Variants in PHF14 observed in about 807,000 individuals in gnomAD.
PHF14 encodes the protein PHD finger protein 14.
Under a neutral mutation model 117.9 loss-of-function variants are expected in PHF14, and 55 were observed. The observed-to-expected ratio is 0.47, with a 90% CI of 0.38 to 0.58. PHF14 has a LOEUF of 0.58. Among genes scored for constraint, PHF14 ranks in the 20% least tolerant of loss-of-function variants. PHF14 has a pLI of 0.00. For missense variants in PHF14, 978 were observed against 1,122.2 expected, an observed-to-expected ratio of 0.87 and a Z score of 1.84; for synonymous variants, 409 against 368.6, an observed-to-expected ratio of 1.11 and a Z score of -1.26.
At chr7:11,037,156 G>C (rs1431769962) in intron 10 of PHF14, 65 bp downstream of exon 10, 1 of 1,369,194 alleles carries the variant, frequency 7.3e-7, no homozygotes, top group Non-Finnish European at 9.7e-7. Context: ...TTTTGTGAAT[G>C]TATGGCATTT....
intron 5 of PHF14, among the ~76,000 whole-genome samples, chr7:11,019,218 G>A (rs1298366639): frequency 6.6e-6 from 1 of 152,112 alleles, no homozygotes; most frequent in South Asian, 2.1e-4. Context: ...GCCTTTGGCT[G>A]GTTTTGGTAT....
chr7:11,078,188 T>C (rs1200938625), intron 16 of PHF14, among the ~76,000 whole-genome samples: 3 of 152,202 alleles, frequency 2.0e-5, no homozygotes, highest in South Asian at 2.1e-4. Context: ...ATGTGTGTCA[T>C]TAGCTTAACC....
At chr7:10,992,677 A>G (rs575349999) in intron 4 of PHF14, among the ~76,000 whole-genome samples, 2 of 152,192 alleles carry the variant, frequency 1.3e-5, no homozygotes, top group East Asian at 1.9e-4. Flanking sequence ...TAAACAAACA[A>G]ACAAAAAAAG....
chr7:11,051,212 C>CT (rs549494772), intron 13 of PHF14, among the ~76,000 whole-genome samples: 3,107 of 145,062 alleles, frequency 0.021, 41 homozygotes, highest in Middle Eastern at 0.046. Flanking sequence ...AGTTAATTTT[C>CT]TTTTTTTTTT....
At chr7:10,988,737 A>G (rs1353873073) in intron 3 of PHF14, among the ~76,000 whole-genome samples, 1 of 152,160 alleles carries the variant, frequency 6.6e-6, no homozygotes, top group Non-Finnish European at 1.5e-5. Context: ...ATACAGCGGA[A>G]AGGAAAAGGC....
intron 16 of PHF14, chr7:11,106,953 C>G: frequency 1.0e-6 from 1 of 983,922 alleles, no homozygotes. Context: ...TCACAATCAA[C>G]TTGATCATAA....
At chr7:11,076,876 TG>T (rs1213355067) in intron 16 of PHF14, among the ~76,000 whole-genome samples, 1 of 146,950 alleles carries the variant, frequency 6.8e-6, no homozygotes, top group African/African-American at 2.6e-5. Flanking sequence ...CTTTCAAATA[TG>T]GTTTTTTTTT....
At chr7:11,093,359 GTTC>G (rs1198883299) in intron 16 of PHF14, among the ~76,000 whole-genome samples, 1 of 152,136 alleles carries the variant, frequency 6.6e-6, no homozygotes, top group African/African-American at 2.4e-5. Flanking sequence ...GGGCACACCT[GTTC>G]TTTTTCAAGG....
intron 17 of PHF14, among the ~76,000 whole-genome samples, chr7:11,160,717 T>C (rs776693824): frequency 6.6e-6 from 1 of 152,198 alleles, no homozygotes; most frequent in African/African-American, 2.4e-5. Flanking sequence ...TTGTATGTCT[T>C]CTGAGAAGTG....
intron 16 of PHF14, among the ~76,000 whole-genome samples, chr7:11,086,580 C>G (rs1278022556): frequency 6.6e-6 from 1 of 151,954 alleles, no homozygotes; most frequent in Non-Finnish European, 1.5e-5. Flanking sequence ...TATTCCAGGT[C>G]CGAAGCCAAT....
chr7:11,117,973 G>T (rs1348326933), intron 17 of PHF14, among the ~76,000 whole-genome samples: 13 of 151,820 alleles, frequency 8.6e-5, no homozygotes, highest in Non-Finnish European at 1.5e-5. Flanking sequence ...ATGGCCGACA[G>T]AGACATCATT....
intron 13 of PHF14, among the ~76,000 whole-genome samples, chr7:11,048,929 A>G (rs1278806089): frequency 1.3e-5 from 2 of 152,048 alleles, no homozygotes; most frequent in African/African-American, 2.4e-5. Context: ...TAACATTTCT[A>G]TTTTCTGGGA....
At chr7:11,025,455 T>A (rs1373979021) in intron 6 of PHF14, among the ~76,000 whole-genome samples, 1 of 152,138 alleles carries the variant, frequency 6.6e-6, no homozygotes, top group Non-Finnish European at 1.5e-5. Context: ...AAATCTTTCA[T>A]AAAAGGAAGG....
chr7:11,114,023 A>G (rs764333619), intron 17 of PHF14, among the ~76,000 whole-genome samples: 1 of 152,154 alleles, frequency 6.6e-6, no homozygotes, highest in Non-Finnish European at 1.5e-5. Flanking sequence ...AGCACTGGGT[A>G]TATTTGCCAT....
intron 17 of PHF14, among the ~76,000 whole-genome samples, chr7:11,136,548 T>C (rs1788225512): frequency 1.3e-5 from 2 of 152,204 alleles, no homozygotes; most frequent in Admixed American, 6.5e-5. Flanking sequence ...TGCATAGTTA[T>C]TACTTTTTAT....
intron 5 of PHF14, among the ~76,000 whole-genome samples, chr7:11,016,137 C>T (rs1783526040): frequency 6.6e-6 from 1 of 151,996 alleles, no homozygotes; most frequent in South Asian, 2.1e-4. Context: ...TAAGTAGACA[C>T]CTCCTGTGAT....
chr7:11,014,619 C>T (rs1158308935), intron 5 of PHF14, among the ~76,000 whole-genome samples: 2 of 152,116 alleles, frequency 1.3e-5, no homozygotes, highest in Middle Eastern at 3.2e-3. Flanking sequence ...AGGAAGTACT[C>T]CACCCATACC....
rs577896922 is a variant in PHF14, at chr7:11,074,160, C to T, written c.2654+12075C>T. Among the ~76,000 whole-genome samples the T allele has an allele frequency of 2.0e-5, 3 of 152,162 alleles. No homozygotes were observed. In the South Asian group the frequency reaches 6.2e-4, roughly 32 times the overall value. On this transcript the variant is annotated intron_variant, in intron 16 of 17. Transcript: ENST00000634607. ...CTAATCACTTTAGCAAATGGTTGCTCCACAACCACCTTGAATTCCTCTCCT... is the reference window on the plus strand; with the variant it reads ...CTAATCACTTTAGCAAATGGTTGCTTCACAACCACCTTGAATTCCTCTCCT...
chr7:11,080,833 T>C (rs1786070637), intron 16 of PHF14, among the ~76,000 whole-genome samples: 1 of 152,156 alleles, frequency 6.6e-6, no homozygotes, highest in South Asian at 2.1e-4. Flanking sequence ...AAGTCTTGAA[T>C]TTTGAATATA....
Sources: gnomAD v4.1 joint callset for allele counts (sites outside exome capture counted in the v4.1 genomes callset) on GRCh38, gnomAD v4.1.1 for gene constraint, MANE v1.5 for transcripts, NCBI Gene and HGNC (gene_info 2026-07-23, HGNC 2026-07-21) for gene names.